The following USP34 variants were observed in gnomAD, a reference collection of about 807,000 sequenced individuals.
USP34 encodes the protein ubiquitin carboxyl-terminal hydrolase 34.
In USP34, 70 loss-of-function variants were observed where a neutral mutation model predicts 460.3. That is an observed-to-expected ratio of 0.15 (90% CI 0.13 to 0.19). The LOEUF (loss-of-function observed/expected upper bound fraction) is 0.19. USP34 is among the 10% of genes least tolerant of loss of function. The pLI is 1.00. For missense variants in USP34, 3,985 were observed against 4,236.2 expected, an observed-to-expected ratio of 0.94 and a Z score of 1.65; for synonymous variants, 1,647 against 1,405.3, an observed-to-expected ratio of 1.17 and a Z score of -3.85.
In USP34 at chr2:61,283,933, G is replaced by A. The variant is rs536775716; in HGVS notation, c.4833-484C>T. On this transcript the variant is annotated intron_variant, in intron 35 of 79. Transcript: ENST00000398571. ...TACCAGAGGCTGGAGGGTGGGGTAG[G>A]GTAGGGTGGGGTGGGGCAGAGGGTA... Among the ~76,000 whole-genome samples, 6 of 151,270 alleles carry A rather than the reference G, an allele frequency of 4.0e-5. No homozygotes were observed. In the East Asian group the frequency reaches 1.2e-3, roughly 30 times the overall value.
chr2:61,268,438 TAAAAA>T (rs35618230), intron 41 of USP34, among the ~76,000 whole-genome samples: 3 of 53,412 alleles, frequency 5.6e-5, no homozygotes, highest in African/African-American at 7.4e-5. Flanking sequence ...GAGCTGTTGT[TAAAAA>T]AAAAAAAAAA....
rs528095739 is a variant in USP34, at chr2:61,460,468, C to G, written c.43+10182G>C. ...CAATAATGGCCCCAAAGTGCAAGAG[C>G]AGCGATACTAGTAATTCAGATATGC... On this transcript the variant is annotated intron_variant, in intron 1 of 79. Transcript: ENST00000398571. 4.1e-4 allele frequency among the ~76,000 whole-genome samples: 62 copies of G among 152,100 alleles called. No homozygotes were observed. In the East Asian group the frequency reaches 0.012, roughly 29 times the overall value.
intron 1 of USP34, among the ~76,000 whole-genome samples, chr2:61,431,715 C>T (rs1047561309): frequency 6.6e-6 from 1 of 151,988 alleles, no homozygotes; most frequent in Non-Finnish European, 1.5e-5. Flanking sequence ...CTTAGCCGGG[C>T]ATGGTGTTAG....
Position 61,228,905 on chromosome 2 carries a change from A to G in USP34, c.7290T>C (p.His2430=), listed in dbSNP as rs776540397. The G allele has an allele frequency of 1.2e-6, 2 of 1,610,108 alleles. No homozygotes were observed. The highest frequency in any genetic ancestry group is 1.7e-6 in the Non-Finnish European group (2 of 1,178,282). ...GATGTTTACTGTGAGGTTTTACACC[A>G]TGTTCCATAATTAATAACAGGGTTC... The part of the protein sequence containing the change: ...FVRTLLLIME[H]GVKPHSKHLT... The change falls in exon 60 of 80, where the codon CAT becomes CAC. Residue 2430 remains histidine, a synonymous_variant. Transcript: ENST00000398571.
intron 18 of USP34, among the ~76,000 whole-genome samples, chr2:61,337,998 T>G (rs967342698): frequency 2.0e-5 from 3 of 152,170 alleles, no homozygotes; most frequent in Non-Finnish European, 4.4e-5. Context: ...TGATGACATA[T>G]CATCCAGCCA....
chr2:61,203,305 T>C, intron 74 of USP34, 42 bp from the exon 75 acceptor site: 1 of 1,435,218 alleles, frequency 7.0e-7, no homozygotes, highest in Non-Finnish European at 9.2e-7. Context: ...TTAAATTGTA[T>C]AATAAAGAGC....
intron 10 of USP34, among the ~76,000 whole-genome samples, chr2:61,365,570 C>A (rs1692411829): frequency 6.6e-6 from 1 of 151,980 alleles, no homozygotes; most frequent in South Asian, 2.1e-4. Flanking sequence ...GGAAAAAAAA[C>A]CTACTCTGTG....
intron 23 of USP34, among the ~76,000 whole-genome samples, chr2:61,316,710 C>A (rs552069936): frequency 6.6e-6 from 1 of 152,054 alleles, no homozygotes; most frequent in East Asian, 1.9e-4. Context: ...CATGGTGAAA[C>A]CCCACCTATA....
chr2:61,334,545 A>G (rs1292091199), intron 18 of USP34, among the ~76,000 whole-genome samples: 1 of 152,196 alleles, frequency 6.6e-6, no homozygotes, highest in Non-Finnish European at 1.5e-5. Flanking sequence ...AATTCTAATG[A>G]AGAACTAAAC....
chr2:61,300,988 T>A lies in USP34; in HGVS notation c.4091A>T (p.Lys1364Ile), dbSNP rs1249005403. The change falls in exon 29 of 80, where the codon AAA becomes ATA. Residue 1364 changes from lysine (K) to isoleucine (I), a missense_variant. Lys to Ile is a moderately radical substitution (Grantham distance 102). Coordinates refer to ENST00000398571, the MANE Select transcript of USP34 (RefSeq NM_014709.4). ...CACTGCCACTTTTCCTGAGGGTGGTTTAAATGATGCAAGCATCTCTAATAA... is the reference window on the plus strand; with the variant it reads ...CACTGCCACTTTTCCTGAGGGTGGTATAAATGATGCAAGCATCTCTAATAA... ...FDLLEMLASF[K>I]PPSGKVAVDD... is the part of the protein sequence containing the mutation. The A allele has an allele frequency of 6.2e-7, 1 of 1,613,312 alleles. No homozygotes were observed. The highest frequency in any genetic ancestry group is 8.5e-7 in the Non-Finnish European group (1 of 1,179,812).
chr2:61,378,709 C>G (rs975500546), intron 7 of USP34, among the ~76,000 whole-genome samples: 2 of 152,010 alleles, frequency 1.3e-5, no homozygotes, highest in African/African-American at 2.4e-5. Context: ...AGCTCTGAGA[C>G]CAGCCTTACC....
chr2:61,333,271 T>C (rs1691323820), intron 19 of USP34, among the ~76,000 whole-genome samples: 1 of 152,032 alleles, frequency 6.6e-6, no homozygotes, highest in South Asian at 2.1e-4. Flanking sequence ...ATATCCCTTA[T>C]CCAAAATGCT....
chr2:61,412,198 A>G (rs991368282), intron 2 of USP34, among the ~76,000 whole-genome samples: 3 of 151,114 alleles, frequency 2.0e-5, no homozygotes, highest in South Asian at 4.2e-4. Flanking sequence ...TCAAAAAAAA[A>G]AAAAAAAAAG....
chr2:61,393,664 A>G (rs984360710), intron 5 of USP34, among the ~76,000 whole-genome samples: 3 of 152,126 alleles, frequency 2.0e-5, no homozygotes, highest in African/African-American at 7.2e-5. Flanking sequence ...TTTTCACCCA[A>G]TATTTTTATT....
chr2:61,316,500 G>A lies in USP34; in HGVS notation c.3282+1154C>T, dbSNP rs540934901. On this transcript the variant is annotated intron_variant, in intron 23 of 79. Coordinates refer to ENST00000398571, the MANE Select transcript of USP34 (RefSeq NM_014709.4). ...CTCAAGAGGCTGAGGCATGAGAATC[G>A]CTTGAACCCAGGAGGTGGAGGTTGC... Among the ~76,000 whole-genome samples the A allele has an allele frequency of 2.6e-5, 4 of 152,120 alleles. No individual in the cohort carries two copies. The East Asian group carries it at 5.8e-4, about 22-fold the overall frequency.
chr2:61,310,326 A>G (rs1690547274), intron 27 of USP34, among the ~76,000 whole-genome samples: 2 of 152,202 alleles, frequency 1.3e-5, no homozygotes, highest in African/African-American at 4.8e-5. Flanking sequence ...TAGCAAAATA[A>G]TGAAAACAAT....
rs747905638 is a variant in USP34, at chr2:61,348,050, T to C, written c.2105A>G (p.Glu702Gly). 1 of 1,614,206 alleles carries C rather than the reference T, an allele frequency of 6.2e-7. No individual in the cohort carries two copies. Among genetic ancestry groups the C allele is most frequent in the South Asian group, 1.1e-5 (1 of 91,088 alleles). ...LDACSHSEDP[E>G]HDISGEMNAT... ...ATTCATTTCCCCTGAAATATCATGT[T>C]CTGGGTCTTCAGAGTGTGAACAAGC... The change falls in exon 15 of 80, where the codon GAA becomes GGA. Residue 702 changes from glutamate to glycine, a missense_variant. Physicochemically the swap from Glu to Gly is moderately conservative, Grantham distance 98 (BLOSUM62 -2). This residue lies in a region of USP34 where 716 missense variants were observed against 626.2 expected (regional missense o/e 1.14). Transcript: ENST00000398571.
At chr2:61,255,181 T>G (rs188501177) in intron 48 of USP34, among the ~76,000 whole-genome samples, 2 of 152,164 alleles carry the variant, frequency 1.3e-5, no homozygotes, top group Non-Finnish European at 2.9e-5. Flanking sequence ...GAAATTCTAC[T>G]GAAAATGAAA....
In USP34 at chr2:61,220,224, G is replaced by A. The variant is rs907692922; in HGVS notation, c.8047+86C>T. 7 of 1,083,512 alleles carry A rather than the reference G, an allele frequency of 6.5e-6. No individual in the cohort carries two copies. In the Admixed American group the frequency reaches 1.1e-4, roughly 16 times the overall value. The allele number at this position is 1,083,512 out of a possible 1,614,324, so 67.1% of individuals were successfully genotyped here. A position where few individuals can be genotyped will look rare whatever the true frequency, so the allele number is the denominator to read the frequency against. On this transcript the variant is annotated intron_variant, in intron 67 of 79. Coordinates refer to ENST00000398571, the MANE Select transcript of USP34 (RefSeq NM_014709.4). ...AGAATTTCGTAGTATACAACAATGG[G>A]CATGTCGTAGTTGCCTAAAAACAAA...
Sources: gnomAD v4.1 joint callset for allele counts (sites outside exome capture counted in the v4.1 genomes callset) on GRCh38, gnomAD v4.1.1 for gene constraint, gnomAD v4.1.1 regional missense constraint, MANE v1.5 for transcripts, NCBI Gene and HGNC (gene_info 2026-07-23, HGNC 2026-07-21) for gene names.